The following SGCD variants were observed in gnomAD, a reference collection of about 807,000 sequenced individuals.
SGCD encodes sarcoglycan delta, also known as delta-sarcoglycan.
Under a neutral mutation model 36.6 loss-of-function variants are expected in SGCD, and 18 were observed. That is an observed-to-expected ratio of 0.49 (90% CI 0.34 to 0.73). The LOEUF (loss-of-function observed/expected upper bound fraction) is 0.73, where lower values mean the gene tolerates loss of function less well. SGCD is among the 30% of genes least tolerant of loss of function. SGCD has a pLI of 0.01. For synonymous variants in SGCD, 133 were observed against 130.6 expected, an observed-to-expected ratio of 1.02 and a Z score of -0.12; for missense variants, 387 against 346.7, an observed-to-expected ratio of 1.12 and a Z score of -0.92.
intron 3 of SGCD, among the ~76,000 whole-genome samples, chr5:156,433,177 T>C (rs1753096315): frequency 1.3e-5 from 2 of 152,222 alleles, no homozygotes; most frequent in African/African-American, 4.8e-5. Flanking sequence ...GTGTCTCTTT[T>C]CTGGTCGAGA....
intron 3 of SGCD, among the ~76,000 whole-genome samples, chr5:156,170,732 C>T (rs1374243926): frequency 6.6e-6 from 1 of 152,158 alleles, no homozygotes; most frequent in African/African-American, 2.4e-5. Context: ...TTAGGAAAGT[C>T]ATTTGTTACC....
At chr5:156,713,322 G>A (rs925431490) in intron 7 of SGCD, among the ~76,000 whole-genome samples, 3 of 151,792 alleles carry the variant, frequency 2.0e-5, no homozygotes, top group East Asian at 1.9e-4. Context: ...AGTTATACAC[G>A]AAGAGTGAGA....
At chr5:156,706,063 A>G (rs567104817) in intron 7 of SGCD, among the ~76,000 whole-genome samples, 1 of 152,280 alleles carries the variant, frequency 6.6e-6, no homozygotes, top group East Asian at 1.9e-4. Context: ...GCTCATCTCT[A>G]TGAACGATAG....
At chr5:156,266,312 G>A (rs1397714080) in intron 3 of SGCD, among the ~76,000 whole-genome samples, 1 of 152,188 alleles carries the variant, frequency 6.6e-6, no homozygotes, top group Non-Finnish European at 1.5e-5. Flanking sequence ...CTAACATGGA[G>A]TCAGAGCATC....
intron 4 of SGCD, among the ~76,000 whole-genome samples, chr5:156,554,987 A>G (rs544039429): frequency 6.6e-6 from 1 of 152,146 alleles, no homozygotes; most frequent in Non-Finnish European, 1.5e-5. Flanking sequence ...ATCACTAATG[A>G]TGTTACACAT....
intron 3 of SGCD, among the ~76,000 whole-genome samples, chr5:156,206,593 C>T (rs1033716534): frequency 3.3e-5 from 5 of 152,068 alleles, no homozygotes; most frequent in African/African-American, 9.6e-5. Context: ...TAATACAAGA[C>T]CAGTGTGGTT....
At chr5:155,889,917 CA>C (rs1561639897) in intron 1 of SGCD, among the ~76,000 whole-genome samples, 1 of 152,170 alleles carries the variant, frequency 6.6e-6, no homozygotes. Flanking sequence ...CCTCCTCTTG[CA>C]GGAATATGAA....
At chr5:156,114,270 G>A (rs920031827) in intron 1 of SGCD, among the ~76,000 whole-genome samples, 2 of 152,178 alleles carry the variant, frequency 1.3e-5, no homozygotes, top group Middle Eastern at 3.4e-3. Flanking sequence ...ATATATGCAA[G>A]CTTTCTGAAG....
At chr5:156,679,792 C>T (rs1367576360) in intron 7 of SGCD, among the ~76,000 whole-genome samples, 2 of 152,072 alleles carry the variant, frequency 1.3e-5, no homozygotes, top group Admixed American at 6.5e-5. Flanking sequence ...CACTTTTCTT[C>T]TCCGCTTTTT....
At chr5:156,113,545 G>C (rs531084660) in intron 1 of SGCD, among the ~76,000 whole-genome samples, 20 of 152,238 alleles carry the variant, frequency 1.3e-4, no homozygotes, top group African/African-American at 4.8e-4. Flanking sequence ...TTTTCACTTA[G>C]GTGATCATTT....
chr5:156,380,886 C>T (rs572444609), intron 3 of SGCD, among the ~76,000 whole-genome samples: 2 of 152,212 alleles, frequency 1.3e-5, no homozygotes, highest in African/African-American at 2.4e-5. Context: ...CTTTTTCTCT[C>T]GTAAGTCGAG....
intron 1 of SGCD, among the ~76,000 whole-genome samples, chr5:155,889,254 C>T (rs906441164): frequency 6.6e-6 from 1 of 152,176 alleles, no homozygotes; most frequent in East Asian, 1.9e-4. Flanking sequence ...TAAGTAACCT[C>T]ATATGATAGA....
intron 3 of SGCD, among the ~76,000 whole-genome samples, chr5:156,303,705 A>C (rs987061161): frequency 1.2e-4 from 18 of 151,580 alleles, no homozygotes; most frequent in African/African-American, 4.1e-4. Flanking sequence ...TAGGATTCCC[A>C]GGGAAGCAGC....
At chr5:156,001,099 G>C (rs1378191601) in intron 1 of SGCD, among the ~76,000 whole-genome samples, 1 of 152,168 alleles carries the variant, frequency 6.6e-6, no homozygotes, top group Non-Finnish European at 1.5e-5. Flanking sequence ...GACTTCTGGG[G>C]TCTACTACCT....
intron 3 of SGCD, among the ~76,000 whole-genome samples, chr5:156,168,107 A>G (rs1400193798): frequency 6.6e-6 from 1 of 152,274 alleles, no homozygotes; most frequent in African/African-American, 2.4e-5. Context: ...ACCATTTAAC[A>G]GAGTGCCTAG....
At chr5:156,093,304 T>C (rs1460924118) in intron 1 of SGCD, among the ~76,000 whole-genome samples, 2 of 152,196 alleles carry the variant, frequency 1.3e-5, no homozygotes, top group Non-Finnish European at 2.9e-5. Context: ...TCCCTGCCAT[T>C]GTATACTTTG....
the SGCD span, among the ~76,000 whole-genome samples, chr5:155,794,765 G>A: frequency 6.6e-6 from 1 of 151,988 alleles, no homozygotes; most frequent in Non-Finnish European, 1.5e-5. Context: ...ATATTCAAAG[G>A]TCTAATGGCT....
chr5:155,842,781 CATTA>C, the SGCD span, among the ~76,000 whole-genome samples: 2 of 150,712 alleles, frequency 1.3e-5, no homozygotes, highest in Non-Finnish European at 2.9e-5. Flanking sequence ...ATATTTTTGT[CATTA>C]ATTCAGTTTT....
At chr5:155,907,505 T>A (rs546616429) in intron 1 of SGCD, among the ~76,000 whole-genome samples, 1 of 152,228 alleles carries the variant, frequency 6.6e-6, no homozygotes, top group East Asian at 1.9e-4. Flanking sequence ...GTGGTCAAAA[T>A]AGCAATGTTA....
Sources: gnomAD v4.1 joint callset for allele counts (sites outside exome capture counted in the v4.1 genomes callset) on GRCh38, gnomAD v4.1.1 for gene constraint, MANE v1.5 for transcripts, NCBI Gene and HGNC (gene_info 2026-07-23, HGNC 2026-07-21) for gene names.